COL6A3: variants seen among roughly 807,000 people sequenced by gnomAD.
COL6A3 encodes collagen alpha-3(VI) chain.
COL6A3 carries 137 observed loss-of-function variants against 274.1 expected under a neutral mutation model. The observed-to-expected ratio is 0.50, with a 90% confidence interval of 0.44 to 0.58. The LOEUF (loss-of-function observed/expected upper bound fraction) is 0.58. Among genes scored for constraint, COL6A3 ranks in the 20% least tolerant of loss-of-function variants. The pLI is 0.00. For synonymous variants in COL6A3, 1,650 were observed against 1,650.6 expected (o/e 1.00, Z 0.01); for missense variants, 3,950 against 4,124.9 (o/e 0.96, Z 1.16).
rs2270656 is a variant in COL6A3, at chr2:237,346,477, C to T, written c.7092+26G>A. Reference sequence around the variant, plus strand: ...TGTAAAGCACCCAGCCCCAGGTGGCCGGGTCAGAACTGGATAAATACTTAC... The same window carrying T: ...TGTAAAGCACCCAGCCCCAGGTGGCTGGGTCAGAACTGGATAAATACTTAC... On this transcript the variant is annotated intron_variant, in intron 32 of 43. Transcript: ENST00000295550. 217,069 of 1,606,726 alleles carry T rather than the reference C, an allele frequency of 0.14. 17,190 individuals are homozygous for T. The highest frequency in any genetic ancestry group is 0.34 in the African/African-American group (25,333 of 74,688).
Position 237,364,524 on chromosome 2 carries a change from C to A in COL6A3, c.5839-96G>T. On this transcript the variant is annotated intron_variant, in intron 12 of 43. Coordinates refer to ENST00000295550, the MANE Select transcript of COL6A3 (RefSeq NM_004369.4). This position sits in a 1 kb window ranked among gnomAD's most constrained non-coding sequence, Gnocchi z 4.6. ...GAGAGACTCGCTGTCTCAAGCCCTT[C>A]ATTTTACACTTAAGGAAACTGAGGG... 1.0e-6 allele frequency: 1 copy of A among 964,694 alleles called. No individual in the cohort carries two copies. The highest frequency in any genetic ancestry group is 1.3e-5 in the South Asian group (1 of 76,738). The allele number at this position is 964,694 out of a possible 1,614,324, so 59.8% of individuals were successfully genotyped here. A position where few individuals can be genotyped will look rare whatever the true frequency, so the allele number is the denominator to read the frequency against.
rs527801297 is a variant in COL6A3 at position 237,376,083 on chromosome 2, A to G, written c.3070+689T>C. On this transcript the variant is annotated intron_variant, in intron 7 of 43. Coordinates refer to ENST00000295550, the MANE Select transcript of COL6A3 (RefSeq NM_004369.4). The stretch of plus-strand genomic sequence containing the variant: ...TTCAATTGAGTTGCTGCAAGTCACA[A>G]GTGGGTTAATGGGAGGAAACGGAAC... Among the ~76,000 whole-genome samples the G allele has an allele frequency of 1.1e-4, 17 of 152,296 alleles. 1 individual carries two copies. The South Asian group carries it at 3.1e-3, about 28-fold the overall frequency.
intron 1 of COL6A3, among the ~76,000 whole-genome samples, chr2:237,412,172 C>T (rs1003891961): frequency 6.6e-6 from 1 of 152,242 alleles, no homozygotes; most frequent in Non-Finnish European, 1.5e-5. Flanking sequence ...CCTCCCCACC[C>T]AGGCTTTCAT....
At chr2:237,349,341 G>A (rs1159642065) in intron 28 of COL6A3, among the ~76,000 whole-genome samples, 1 of 152,194 alleles carries the variant, frequency 6.6e-6, no homozygotes, top group African/African-American at 2.4e-5. Context: ...AACAACTAGA[G>A]ATCTGTTGAC....
At chr2:237,399,267 A>G (rs1046247889) in intron 1 of COL6A3, among the ~76,000 whole-genome samples, 21 of 152,288 alleles carry the variant, frequency 1.4e-4, no homozygotes, top group African/African-American at 4.8e-4. Flanking sequence ...GAATCAGATA[A>G]ATCTGGATCC....
In COL6A3 at chr2:237,368,943, C is replaced by A. The variant is rs766158387; in HGVS notation, c.4520G>T (p.Arg1507Met). 5 of 1,614,216 alleles carry A rather than the reference C, an allele frequency of 3.1e-6. No homozygotes were observed. Among genetic ancestry groups the A allele is most frequent in the Non-Finnish European group, 4.2e-6 (5 of 1,180,046 alleles). Residue 1507 changes from arginine to methionine, a missense_variant, in exon 10 of 44, where the codon AGG (arginine) becomes ATG (methionine). Physicochemically the swap from Arg to Met is moderately conservative, Grantham distance 91. Transcript: ENST00000295550. The surrounding 1 kb of genome is among the most constrained non-coding windows in gnomAD (Gnocchi z 4.4). ...GTTCAGTGGGGACCCCCCTCTGAGCCTCAGGCGCCGTATGGCGTCCAGCAC... is the reference window on the plus strand; with the variant it reads ...GTTCAGTGGGGACCCCCCTCTGAGCATCAGGCGCCGTATGGCGTCCAGCAC... Reference protein sequence around the residue: ...APVLDAIRRLRLRGGSPLNTG... With the variant: ...APVLDAIRRLMLRGGSPLNTG...
chr2:237,393,754 T>A (rs568717877), intron 3 of COL6A3, among the ~76,000 whole-genome samples: 2 of 152,372 alleles, frequency 1.3e-5, no homozygotes, highest in East Asian at 3.9e-4. Context: ...TCCTTCCCCA[T>A]TGGCCATTTA....
intron 1 of COL6A3, among the ~76,000 whole-genome samples, chr2:237,403,414 A>C (rs971043584): frequency 6.6e-6 from 1 of 152,186 alleles, no homozygotes; most frequent in African/African-American, 2.4e-5. Context: ...CCTGTGATTC[A>C]GATTCTGAGA....
chr2:237,344,125 GAGGGACCTGGGGGC>G lies in COL6A3; in HGVS notation c.7668+211_7668+224del. On this transcript the variant is annotated intron_variant, in intron 36 of 43. Coordinates refer to ENST00000295550, the MANE Select transcript of COL6A3 (RefSeq NM_004369.4). This position sits in a 1 kb window ranked among gnomAD's most constrained non-coding sequence, Gnocchi z 4.8. The stretch of plus-strand genomic sequence containing the variant: ...CCGGCAAGAGCTGTCAACATGTGAG[GAGGGACCTGGGGGC>G]AGTGCTACAAGCATGTAGGCGTCCC... 1 of 654,422 alleles carries G rather than the reference GAGGGACCTGGGGGC, an allele frequency of 1.5e-6. No homozygotes were observed. The highest frequency in any genetic ancestry group is 2.3e-5 in the Admixed American group (1 of 42,690). 40.5% of individuals were successfully genotyped at this position (654,422 alleles called of 1,614,324 possible).
chr2:237,363,815 G>A (rs530361561), intron 13 of COL6A3, among the ~76,000 whole-genome samples: 3 of 152,336 alleles, frequency 2.0e-5, no homozygotes, highest in East Asian at 1.9e-4. Context: ...TTACACTTCT[G>A]TAATGGCATC....
Position 237,397,455 on chromosome 2 carries a change from G to T in COL6A3, c.-30-608C>A, listed in dbSNP as rs181377977. Among the ~76,000 whole-genome samples, 17 of 126,924 alleles carry T rather than the reference G, an allele frequency of 1.3e-4. No homozygotes were observed. In the East Asian group the frequency reaches 4.4e-3, roughly 33 times the overall value. 83.3% of individuals were successfully genotyped at this position (126,924 alleles called of 152,430 possible). On this transcript the variant is annotated intron_variant, in intron 1 of 43. Coordinates refer to ENST00000295550, the MANE Select transcript of COL6A3 (RefSeq NM_004369.4). Reference sequence around the variant, plus strand: ...AGAAGGAAAGAAAGAAAGAGAGAAAGAAAGAGAGAGAGGGAGGGAGGGAGG... The same window carrying T: ...AGAAGGAAAGAAAGAAAGAGAGAAATAAAGAGAGAGAGGGAGGGAGGGAGG...
chr2:237,363,034 C>A lies in COL6A3; in HGVS notation c.6063+219G>T, dbSNP rs560756325. 1.1e-4 allele frequency among the ~76,000 whole-genome samples: 16 copies of A among 152,276 alleles called. No homozygotes were observed. The East Asian group carries it at 3.1e-3, about 29-fold the overall frequency. On this transcript the variant is annotated intron_variant, in intron 14 of 43. Transcript: ENST00000295550. ...ACCTCAGCGCGCCCAGGATCCCCTT[C>A]CAGCTCGCTGGATTTCCAGCGATTT...
chr2:237,342,799 T>A (rs1235693993), intron 36 of COL6A3: 1 of 154,438 alleles, frequency 6.5e-6, no homozygotes, highest in African/African-American at 2.4e-5. Context: ...CTTATGTGAA[T>A]GAATCCCCCC....
In COL6A3 at chr2:237,365,766, C is replaced by T. The variant is rs778162038; in HGVS notation, c.5770G>A (p.Val1924Ile). ...ACCTTCAGGGTGTCCTCCGTGAGGA[C>T]GTAGGGGTGCTGGCTGCGCATGTTC... ...FRNMRSQHPY[V>I]LTEDTLKVYL... The change falls in exon 12 of 44, where the codon GTC (valine) becomes ATC (isoleucine). Residue 1924 changes from valine (V) to isoleucine (I), a missense_variant. Transcript: ENST00000295550. 1.2e-5 allele frequency: 20 copies of T among 1,614,080 alleles called. No homozygotes were observed. The highest frequency in any genetic ancestry group is 3.3e-5 in the South Asian group (3 of 91,088).
intron 3 of COL6A3, among the ~76,000 whole-genome samples, chr2:237,390,711 T>C (rs1038095075): frequency 2.0e-5 from 3 of 152,248 alleles, no homozygotes; most frequent in African/African-American, 7.2e-5. Context: ...GCTCATGTGA[T>C]GCCTCCTTTC....
At chr2:237,408,960 CTGGGAA>C (rs2078787144) in intron 1 of COL6A3, among the ~76,000 whole-genome samples, 1 of 152,130 alleles carries the variant, frequency 6.6e-6, no homozygotes, top group Admixed American at 6.5e-5. Flanking sequence ...CCAAGGAAGA[CTGGGAA>C]TGGGAAGAGT....
intron 5 of COL6A3, among the ~76,000 whole-genome samples, chr2:237,379,716 A>C (rs2077953208): frequency 6.6e-6 from 1 of 152,154 alleles, no homozygotes; most frequent in Non-Finnish European, 1.5e-5. Flanking sequence ...GAGTTCCTTA[A>C]GGCTAAAAAA....
chr2:237,386,417 A>G (rs1457534562), intron 4 of COL6A3: 1 of 152,258 alleles, frequency 6.6e-6, no homozygotes, highest in African/African-American at 2.4e-5. Context: ...ATTGTAATTG[A>G]TACAATGGGT....
chr2:237,366,611 C>T (rs2077558606), intron 11 of COL6A3, 76 bp downstream of exon 11: 2 of 1,609,460 alleles, frequency 1.2e-6, no homozygotes, highest in East Asian at 2.2e-5. Flanking sequence ...CAGAGGTCAG[C>T]ACCAGGGACC....
Sources: gnomAD v4.1 joint callset for allele counts (sites outside exome capture counted in the v4.1 genomes callset) on GRCh38, gnomAD v4.1.1 for gene constraint, Gnocchi (gnomAD v3.1) non-coding constraint, MANE v1.5 for transcripts, NCBI Gene and HGNC (gene_info 2026-07-23, HGNC 2026-07-21) for gene names.